Variants in NUP188 observed in about 807,000 individuals in gnomAD.
NUP188 encodes nucleoporin 188.
A neutral mutation model predicts 223.0 loss-of-function variants in NUP188; 97 were observed. The observed-to-expected ratio is 0.43, with a 90% confidence interval of 0.37 to 0.51. NUP188 has a LOEUF of 0.51. Ranked by LOEUF, NUP188 falls within the 20% of genes least tolerant of loss-of-function variation. The pLI is 0.00. For synonymous variants in NUP188, 869 were observed against 828.0 expected (o/e 1.05, Z -0.85); for missense variants, 1,947 against 2,175.6 (o/e 0.89, Z 2.09).
At chr9:128,985,705 AC>A (rs1178883492) in intron 20 of NUP188, among the ~76,000 whole-genome samples, 2 of 152,178 alleles carry the variant, frequency 1.3e-5, no homozygotes, top group African/African-American at 4.8e-5. Context: ...AAAAAACTAT[AC>A]TTCCTGCCTG....
chr9:128,991,699 CG>C (rs781555528), intron 25 of NUP188, among the ~76,000 whole-genome samples: 8 of 148,656 alleles, frequency 5.4e-5, no homozygotes, highest in Non-Finnish European at 8.9e-5. Context: ...AAAAATTAGC[CG>C]GGTGTGGCTG....
At position 129,001,639 on chromosome 9, in the gene NUP188, C is replaced by G. The variant is rs1167913234; in HGVS notation, c.3954C>G (p.Thr1318=). 1.2e-6 allele frequency: 2 copies of G among 1,613,934 alleles called. No individual in the cohort carries two copies. Among genetic ancestry groups the G allele is most frequent in the African/African-American group, 2.7e-5 (2 of 74,914 alleles). ...TCCCCATCCTACCCACCCTCCTCAC[C>G]ACTCTAGAGGTGAGCCTTCGCATGA... is the stretch of plus-strand genomic sequence containing the variant. ...RRLPILPTLL[T]TLEVSLRMKQ... The change falls in exon 35 of 44, where the codon ACC becomes ACG. Residue 1318 remains threonine, a synonymous_variant. Coordinates refer to ENST00000372577, the MANE Select transcript of NUP188 (RefSeq NM_015354.3).
chr9:128,953,835 CT>C (rs1009464640), intron 3 of NUP188, among the ~76,000 whole-genome samples: 273 of 143,532 alleles, frequency 1.9e-3, no homozygotes, highest in Middle Eastern at 3.6e-3. Context: ...AGTGTCTGTT[CT>C]TTTTTTTTTT....
In NUP188 at chr9:128,993,235, T is replaced by C. The variant is rs1564563533; in HGVS notation, c.2679T>C (p.Asp893=). The change falls in exon 26 of 44, where the codon GAT becomes GAC. Residue 893 remains aspartate, a synonymous_variant. Transcript: ENST00000372577. The stretch of plus-strand genomic sequence containing the variant: ...CAGTGTATGCTTGTCTGGGCAATGA[T>C]GCGGCTGCCATTCGTGATGCCTTCC... ...PMSVYACLGN[D]AAAIRDAFLT... 1 of 1,614,200 alleles carries C rather than the reference T, an allele frequency of 6.2e-7. No individual in the cohort carries two copies.
chr9:128,958,061 A>G lies in NUP188; in HGVS notation c.372+7A>G. On this transcript the variant is annotated splice_region_variant and intron_variant, in intron 6 of 43. Transcript: ENST00000372577. Reference sequence around the variant, plus strand: ...CCAGGCCTTAATCCTGAAGGTCAGTAGTAGTCACCATTTCTATTCTTTGAT... The same window carrying G: ...CCAGGCCTTAATCCTGAAGGTCAGTGGTAGTCACCATTTCTATTCTTTGAT... The G allele has an allele frequency of 6.2e-7, 1 of 1,608,206 alleles. No homozygotes were observed. The highest frequency in any genetic ancestry group is 8.5e-7 in the Non-Finnish European group (1 of 1,175,074).
intron 3 of NUP188, among the ~76,000 whole-genome samples, chr9:128,953,830 C>A (rs1014372691): frequency 6.6e-6 from 1 of 151,566 alleles, no homozygotes; most frequent in Non-Finnish European, 1.5e-5. Flanking sequence ...ATTCCAGTGT[C>A]TGTTCTTTTT....
intron 25 of NUP188, among the ~76,000 whole-genome samples, chr9:128,991,571 G>C (rs369323069): frequency 4.0e-5 from 6 of 151,458 alleles, no homozygotes; most frequent in African/African-American, 1.5e-4. Flanking sequence ...GCTGGGCGTG[G>C]TGGCTCATGC....
chr9:128,994,589 G>A, intron 28 of NUP188, 147 bp downstream of exon 28: 1 of 724,854 alleles, frequency 1.4e-6, no homozygotes, highest in Non-Finnish European at 2.4e-6. Flanking sequence ...TCAGGGAAGT[G>A]CCAGCTTTCT....
rs1189872514 is a variant in NUP188 at position 128,969,476 on chromosome 9, G to C, written c.874G>C (p.Glu292Gln). 1.9e-6 allele frequency: 3 copies of C among 1,593,992 alleles called. No individual in the cohort carries two copies. Among genetic ancestry groups the C allele is most frequent in the Non-Finnish European group, 2.6e-6 (3 of 1,173,770 alleles). ...LHKCALDDRR[E>Q]LHQFAQDGLI... Reference sequence around the variant, plus strand: ...TAAGTGTGCTTTGGATGACAGAAGAGAACTGCATCAGTTTGCGCAGGATGG... The same window carrying C: ...TAAGTGTGCTTTGGATGACAGAAGACAACTGCATCAGTTTGCGCAGGATGG... The change falls in exon 10 of 44, where the codon GAA becomes CAA. Residue 292 changes from glutamate to glutamine, a missense_variant. Coordinates refer to ENST00000372577, the MANE Select transcript of NUP188 (RefSeq NM_015354.3).
At chr9:128,959,301 C>T (rs1841913084) in intron 8 of NUP188, among the ~76,000 whole-genome samples, 167 bp downstream of exon 8, 1 of 151,934 alleles carries the variant, frequency 6.6e-6, no homozygotes, top group South Asian at 2.1e-4. Context: ...GTCGTCACGC[C>T]CAGCCAATTT....
At chr9:128,972,190 G>T (rs190200779) in intron 11 of NUP188, among the ~76,000 whole-genome samples, 1 of 152,102 alleles carries the variant, frequency 6.6e-6, no homozygotes, top group Non-Finnish European at 1.5e-5. Flanking sequence ...ACTAAAACTC[G>T]AAAGCAACTA....
chr9:128,993,464 C>G, intron 26 of NUP188, 61 bp downstream of exon 26: 1 of 1,612,208 alleles, frequency 6.2e-7, no homozygotes, highest in Non-Finnish European at 8.5e-7. Flanking sequence ...ATGCTGGGCT[C>G]TGCAAGTACA....
At position 129,005,136 on chromosome 9, in the gene NUP188, GTCTC is replaced by G. The variant is rs764378020; in HGVS notation, c.4435-8_4435-5del. On this transcript the variant is annotated splice_polypyrimidine_tract_variant and splice_region_variant and intron_variant, in intron 38 of 43. Coordinates refer to ENST00000372577, the MANE Select transcript of NUP188 (RefSeq NM_015354.3). The stretch of plus-strand genomic sequence containing the variant: ...AAGAGAATCCGCTCATCTCTCCTGT[GTCTC>G]TCCCAGGTCAACCTGGGTTACTTGT... The G allele has an allele frequency of 4.3e-6, 7 of 1,610,992 alleles. No individual in the cohort carries two copies. The Admixed American group carries it at 1.0e-4, about 23-fold the overall frequency.
chr9:128,998,014 C>T (rs959636917), intron 30 of NUP188, 137 bp from the exon 31 acceptor site: 21 of 692,564 alleles, frequency 3.0e-5, no homozygotes, highest in Non-Finnish European at 4.5e-5. Context: ...CCACCACGCC[C>T]GGCCTATATA....
At position 128,996,376 on chromosome 9, in the gene NUP188, C is replaced by T. The variant is rs527454380; in HGVS notation, c.3351+862C>T. 1.5e-4 allele frequency among the ~76,000 whole-genome samples: 23 copies of T among 152,328 alleles called. No homozygotes were observed. In the South Asian group the frequency reaches 4.8e-3, roughly 32 times the overall value. On this transcript the variant is annotated intron_variant, in intron 30 of 43. Transcript: ENST00000372577. Reference sequence around the variant, plus strand: ...TGTTGGTCAGGCTGGTCTCGAACTCCTGACCTCAGGTGATCCACCCACCTC... The same window carrying T: ...TGTTGGTCAGGCTGGTCTCGAACTCTTGACCTCAGGTGATCCACCCACCTC...
chr9:128,981,526 C>A, intron 15 of NUP188, 136 bp downstream of exon 15: 1 of 836,380 alleles, frequency 1.2e-6, no homozygotes, highest in Non-Finnish European at 1.9e-6. Flanking sequence ...GATTCTCCCA[C>A]CTTAGCCTCC....
chr9:128,949,543 G>T (rs1216124469), intron 2 of NUP188, among the ~76,000 whole-genome samples: 1 of 151,966 alleles, frequency 6.6e-6, no homozygotes, highest in Non-Finnish European at 1.5e-5. Context: ...TTTTGGTCAG[G>T]CTGGTCTCCA....
rs1213513774 is a variant in NUP188 at position 129,006,044 on chromosome 9, C to T, written c.4870-6C>T. Reference sequence around the variant, plus strand: ...GTCTTAGTTTTTTACCCTTGCTTCTCTTCAGCTGGACAAGAAAAAGGAGCC... The same window carrying T: ...GTCTTAGTTTTTTACCCTTGCTTCTTTTCAGCTGGACAAGAAAAAGGAGCC... On this transcript the variant is annotated splice_polypyrimidine_tract_variant and splice_region_variant and intron_variant, in intron 41 of 43. Coordinates refer to ENST00000372577, the MANE Select transcript of NUP188 (RefSeq NM_015354.3). The T allele has an allele frequency of 2.5e-6, 4 of 1,614,178 alleles. No individual in the cohort carries two copies. The highest frequency in any genetic ancestry group is 3.3e-5 in the Admixed American group (2 of 60,016).
At chr9:128,981,481 T>C (rs1488964778) in intron 15 of NUP188, 91 bp downstream of exon 15, 1 of 1,273,876 alleles carries the variant, frequency 7.9e-7, no homozygotes, top group African/African-American at 1.5e-5. Context: ...GGCAAGATCA[T>C]AGCTCACTGC....
Sources: allele counts gnomAD v4.1 joint callset (sites outside exome capture counted in the v4.1 genomes callset), GRCh38; gene constraint gnomAD v4.1.1; transcripts MANE v1.5; gene names NCBI Gene and HGNC (gene_info 2026-07-23, HGNC 2026-07-21).